SYT14: variants seen among roughly 807,000 people sequenced by gnomAD.
SYT14 encodes the protein synaptotagmin-14.
Under a neutral mutation model 74.2 loss-of-function variants are expected in SYT14, and 32 were observed. That is an observed-to-expected ratio of 0.43 (90% CI 0.33 to 0.58). The LOEUF (loss-of-function observed/expected upper bound fraction) is 0.58, where lower values mean the gene tolerates loss of function less well. Ranked by LOEUF, SYT14 falls within the 20% of genes least tolerant of loss-of-function variation. SYT14 has a pLI of 0.05. For missense variants in SYT14, 791 were observed against 981.8 expected, an observed-to-expected ratio of 0.81 and a Z score of 2.60; for synonymous variants, 298 against 337.7, an observed-to-expected ratio of 0.88 and a Z score of 1.29.
intron 7 of SYT14, among the ~76,000 whole-genome samples, chr1:210,115,194 A>G (rs1226826190): frequency 6.6e-6 from 1 of 151,468 alleles, no homozygotes; most frequent in African/African-American, 2.5e-5. Context: ...TGCAGAACAA[A>G]ATAAGGCATT....
chr1:210,074,072 T>G (rs1236036499), intron 5 of SYT14, among the ~76,000 whole-genome samples: 1 of 152,170 alleles, frequency 6.6e-6, no homozygotes, highest in Non-Finnish European at 1.5e-5. Context: ...CATGGCCTTT[T>G]CTCAAGAACA....
At chr1:209,963,007 T>G (rs1005841567) in intron 2 of SYT14, among the ~76,000 whole-genome samples, 11 of 152,160 alleles carry the variant, frequency 7.2e-5, no homozygotes, top group African/African-American at 2.7e-4. Flanking sequence ...AGCCTGTTTG[T>G]TTTTCCTAAC....
chr1:210,044,279 G>A (rs1322001403), intron 5 of SYT14, among the ~76,000 whole-genome samples: 5 of 152,094 alleles, frequency 3.3e-5, no homozygotes, highest in Non-Finnish European at 5.9e-5. Context: ...CTTTGTGTTA[G>A]AATTCTAGTT....
At chr1:209,993,328 G>A (rs891709146) in intron 2 of SYT14, among the ~76,000 whole-genome samples, 13 of 152,212 alleles carry the variant, frequency 8.5e-5, no homozygotes, top group African/African-American at 3.1e-4. Context: ...TGAGTGCACA[G>A]TGTAGCATCT....
chr1:210,063,011 A>AT (rs2081233434), intron 5 of SYT14, among the ~76,000 whole-genome samples: 1 of 120,314 alleles, frequency 8.3e-6, no homozygotes, highest in Non-Finnish European at 1.7e-5. Flanking sequence ...TGCATGTAAT[A>AT]TTTTTTCTAG....
At chr1:210,152,985 A>G (rs974069981) in intron 7 of SYT14, among the ~76,000 whole-genome samples, 12 of 152,074 alleles carry the variant, frequency 7.9e-5, no homozygotes, top group Non-Finnish European at 8.8e-5. Flanking sequence ...ATTGGTTTTC[A>G]TTGCTGTATA....
At chr1:210,004,715 CTCCAAAACTGCGATGCTTGTTCAG>C (rs2079959446) in intron 2 of SYT14, among the ~76,000 whole-genome samples, 2 of 151,960 alleles carry the variant, frequency 1.3e-5, no homozygotes, top group Non-Finnish European at 2.9e-5. Context: ...CATGATTCTG[CTCCAAAACTGCGATGCTTGTTCAG>C]AGGTTACTCA....
chr1:210,120,130 A>T (rs1046948884), intron 7 of SYT14, among the ~76,000 whole-genome samples: 1 of 145,110 alleles, frequency 6.9e-6, no homozygotes, highest in Non-Finnish European at 1.5e-5. Flanking sequence ...TTAGAATGGT[A>T]CTAAATTACT....
At chr1:210,159,501 G>A in intron 9 of SYT14, 24 bp downstream of exon 8, 1 of 1,550,320 alleles carries the variant, frequency 6.5e-7, no homozygotes, top group Non-Finnish European at 8.7e-7. Context: ...GAGGCTAATT[G>A]GATGTTGTCT....
chr1:210,075,308 C>T (rs1234644141), intron 5 of SYT14, among the ~76,000 whole-genome samples: 3 of 150,088 alleles, frequency 2.0e-5, no homozygotes, highest in African/African-American at 7.4e-5. Flanking sequence ...CGTCTAGCCA[C>T]TTGTGTGCCT....
intron 7 of SYT14, among the ~76,000 whole-genome samples, chr1:210,108,629 A>T (rs373618048): frequency 2.5e-4 from 29 of 117,610 alleles, no homozygotes; most frequent in African/African-American, 6.9e-4. Flanking sequence ...TGATTTGATT[A>T]AAAAAAAAAA....
intron 7 of SYT14, among the ~76,000 whole-genome samples, chr1:210,137,914 C>T (rs903185795): frequency 6.6e-6 from 1 of 152,052 alleles, no homozygotes; most frequent in Non-Finnish European, 1.5e-5. Flanking sequence ...CTCCTGACTT[C>T]GTGATCCACC....
intron 2 of SYT14, among the ~76,000 whole-genome samples, chr1:210,009,311 AAAAT>A (rs1374273077): frequency 6.6e-6 from 1 of 152,202 alleles, no homozygotes; most frequent in Non-Finnish European, 1.5e-5. Flanking sequence ...ATAAGGATGA[AAAAT>A]AAGCCTGAAG....
chr1:210,163,524 G>A (rs555080957), exon 10 of SYT14: 1 of 453,364 alleles, frequency 2.2e-6, no homozygotes, highest in African/African-American at 2.0e-5. Flanking sequence ...TAAAGGCAAA[G>A]GTGCCCTGGC....
intron 7 of SYT14, among the ~76,000 whole-genome samples, chr1:210,149,294 C>T (rs1200568003): frequency 1.4e-5 from 2 of 146,344 alleles, no homozygotes; most frequent in East Asian, 2.1e-4. Flanking sequence ...AAGCAATTTT[C>T]ATGCCTCTGC....
intron 2 of SYT14, among the ~76,000 whole-genome samples, chr1:209,973,951 C>G (rs1020950775): frequency 1.3e-5 from 2 of 152,184 alleles, no homozygotes; most frequent in African/African-American, 2.4e-5. Flanking sequence ...TTGCATTTCT[C>G]TGATTGCCAG....
chr1:209,951,224 C>G (rs1230835251), intron 1 of SYT14, among the ~76,000 whole-genome samples: 1 of 152,132 alleles, frequency 6.6e-6, no homozygotes, highest in African/African-American at 2.4e-5. Context: ...CTCTAAAACT[C>G]CTCATCTATC....
At chr1:210,089,182 A>G (rs993021893) in intron 5 of SYT14, among the ~76,000 whole-genome samples, 1 of 152,090 alleles carries the variant, frequency 6.6e-6, no homozygotes, top group Non-Finnish European at 1.5e-5. Context: ...TTCCAGCTTC[A>G]TCCATGTCCC....
At chr1:210,157,699 GCCAC>G (rs2102718869) in intron 8 of SYT14, among the ~76,000 whole-genome samples, 1 of 149,480 alleles carries the variant, frequency 6.7e-6, no homozygotes, top group African/African-American at 2.5e-5. Flanking sequence ...CTGAGATTGC[GCCAC>G]TGCACTCCAG....
Sources: gnomAD v4.1 joint callset for allele counts (sites outside exome capture counted in the v4.1 genomes callset) on GRCh38, gnomAD v4.1.1 for gene constraint, MANE v1.5 for transcripts, NCBI Gene and HGNC (gene_info 2026-07-23, HGNC 2026-07-21) for gene names.